ROCK2: variants seen among roughly 807,000 people sequenced by gnomAD.
The protein encoded by ROCK2 is Rho associated coiled-coil containing protein kinase 2, also known as rho-associated protein kinase 2.
ROCK2 carries 61 observed loss-of-function variants against 195.1 expected under a neutral mutation model. That is an observed-to-expected ratio of 0.31 (90% CI 0.25 to 0.39). The LOEUF is 0.39. Ranked by LOEUF, ROCK2 falls within the 10% of genes least tolerant of loss-of-function variation. The probability of loss-of-function intolerance (pLI) is 1.00; values close to 1 mark genes in which losing one functional copy is unlikely to be tolerated. For synonymous variants in ROCK2, 504 were observed against 545.5 expected, an observed-to-expected ratio of 0.92 and a Z score of 1.06; for missense variants, 1,109 against 1,637.4, an observed-to-expected ratio of 0.68 and a Z score of 5.57.
chr2:11,238,245 T>TGTGTGTGTG (rs11377542), intron 4 of ROCK2, among the ~76,000 whole-genome samples: 9 of 38,366 alleles, frequency 2.3e-4, no homozygotes, highest in African/African-American at 5.7e-4. Flanking sequence ...TGTGTGTCTG[T>TGTGTGTGTG]TGTGTGTGTC....
chr2:11,232,354 C>A (rs1665050398), intron 5 of ROCK2, among the ~76,000 whole-genome samples: 1 of 152,104 alleles, frequency 6.6e-6, no homozygotes. Context: ...GTCTCGAACT[C>A]CTGGCTTCAA....
intron 1 of ROCK2, chr2:11,308,040 C>T (rs1667917998): frequency 3.1e-6 from 5 of 1,587,800 alleles, no homozygotes; most frequent in Middle Eastern, 2.3e-4. Context: ...AGAGGTGACC[C>T]GGAGTCTGCT....
intron 20 of ROCK2, among the ~76,000 whole-genome samples, chr2:11,204,349 G>A (rs749654572): frequency 5.3e-5 from 8 of 151,486 alleles, no homozygotes; most frequent in Non-Finnish European, 8.8e-5. Context: ...TAATCTCCCC[G>A]GTTTACTAGA....
intron 1 of ROCK2, among the ~76,000 whole-genome samples, chr2:11,317,986 C>T (rs1003122354): frequency 1.1e-4 from 16 of 151,866 alleles, no homozygotes; most frequent in Non-Finnish European, 2.4e-4. Flanking sequence ...TAAAAGTATA[C>T]CACATTTTCT....
At chr2:11,296,014 GA>G (rs1362970883) in intron 1 of ROCK2, among the ~76,000 whole-genome samples, 4 of 128,868 alleles carry the variant, frequency 3.1e-5, no homozygotes, top group African/African-American at 1.2e-4. Flanking sequence ...AGGAGAGAGA[GA>G]GAGAGAGAGA....
chr2:11,200,496 G>C (rs1478136767), intron 23 of ROCK2, among the ~76,000 whole-genome samples: 2 of 151,996 alleles, frequency 1.3e-5, no homozygotes, highest in Non-Finnish European at 2.9e-5. Context: ...AAATCTTTCT[G>C]GCCTCCCTTT....
At chr2:11,277,619 T>C (rs894942689) in intron 3 of ROCK2, among the ~76,000 whole-genome samples, 3 of 152,208 alleles carry the variant, frequency 2.0e-5, no homozygotes, top group South Asian at 2.1e-4. Context: ...CTTCGAGTAA[T>C]AGTCTCCAAT....
rs1244370626 is a variant in ROCK2, at chr2:11,198,605, T to A, written c.3005-20A>T. On this transcript the variant is annotated intron_variant, in intron 24 of 32. Coordinates refer to ENST00000315872, the MANE Select transcript of ROCK2 (RefSeq NM_004850.5). ...ACAGTTCTGAAACATGGAAAAAAGT[T>A]AAAATTACATTGGTAATTACAGCAG... 2.5e-6 allele frequency: 4 copies of A among 1,603,634 alleles called. No individual in the cohort carries two copies. In the African/African-American group the frequency reaches 5.4e-5, roughly 21 times the overall value.
intron 3 of ROCK2, among the ~76,000 whole-genome samples, chr2:11,283,743 A>C (rs1438618073): frequency 2.0e-5 from 3 of 152,242 alleles, no homozygotes; most frequent in Non-Finnish European, 2.9e-5. Flanking sequence ...TTTGTCAGTT[A>C]TAACAGCGAC....
intron 4 of ROCK2, among the ~76,000 whole-genome samples, chr2:11,247,493 A>G (rs1665659654): frequency 6.6e-6 from 1 of 152,168 alleles, no homozygotes; most frequent in Non-Finnish European, 1.5e-5. Context: ...CAATTGTACT[A>G]TGTTTCACTA....
chr2:11,191,415 C>T (rs1663417941), intron 32 of ROCK2, among the ~76,000 whole-genome samples: 1 of 152,108 alleles, frequency 6.6e-6, no homozygotes, highest in African/African-American at 2.4e-5. Flanking sequence ...ACCACTTTAC[C>T]CATTAGCTAA....
intron 27 of ROCK2, among the ~76,000 whole-genome samples, chr2:11,195,584 G>A (rs1663603634): frequency 6.6e-6 from 1 of 151,990 alleles, no homozygotes; most frequent in Non-Finnish European, 1.5e-5. Context: ...GCGTAATCTT[G>A]GCTCACTGCA....
chr2:11,251,851 A>G (rs966334505), intron 3 of ROCK2, among the ~76,000 whole-genome samples: 5 of 152,202 alleles, frequency 3.3e-5, no homozygotes, highest in African/African-American at 1.2e-4. Context: ...AAAGTGGGCA[A>G]AGGATATGAA....
Position 11,344,012 on chromosome 2 carries a change from T to C in ROCK2, c.125A>G (p.Asn42Ser). Residue 42 changes from asparagine to serine, a missense_variant, in exon 1 of 33, where the codon AAC (asparagine) becomes AGC (serine). Transcript: ENST00000315872. This position sits in a 1 kb window ranked among gnomAD's most constrained non-coding sequence, Gnocchi z 5.4. ...GCCACCTACCAGCAAGCTCTCCACG[T>C]TGATGGGGGAGCGAGGGTCTCGGAT... ...ALIRDPRSPI[N>S]VESLLDGLNS... The C allele has an allele frequency of 1.9e-6, 3 of 1,589,470 alleles. No individual in the cohort carries two copies. The highest frequency in any genetic ancestry group is 2.6e-6 in the Non-Finnish European group (3 of 1,169,154).
At chr2:11,338,824 T>A (rs1456950265) in intron 1 of ROCK2, among the ~76,000 whole-genome samples, 2 of 151,518 alleles carry the variant, frequency 1.3e-5, no homozygotes, top group African/African-American at 2.4e-5. Flanking sequence ...GAAACAATGC[T>A]AAATTAAAGA....
chr2:11,271,900 G>A (rs951020584), intron 3 of ROCK2, among the ~76,000 whole-genome samples: 16 of 151,860 alleles, frequency 1.1e-4, no homozygotes, highest in African/African-American at 3.4e-4. Flanking sequence ...GGCACCTGTA[G>A]TCCCAGCTAC....
rs114167988 is a variant in ROCK2, at chr2:11,320,327, T to C, written c.141+23669A>G. On this transcript the variant is annotated intron_variant, in intron 1 of 32. Coordinates refer to ENST00000315872, the MANE Select transcript of ROCK2 (RefSeq NM_004850.5). ...ATTTGGGCCACTGCCATAATGTTTA[T>C]CTCAACTTTTTCAATATTCTTTACC... 7.1e-4 allele frequency among the ~76,000 whole-genome samples: 108 copies of C among 152,302 alleles called. 1 individual carries two copies. Among genetic ancestry groups the C allele is most frequent in the African/African-American group, 2.5e-3 (102 of 41,564 alleles).
In ROCK2 at chr2:11,267,399, C is replaced by T. The variant is rs115729325; in HGVS notation, c.325-17601G>A. Among the ~76,000 whole-genome samples, 624 of 152,134 alleles carry T rather than the reference C, an allele frequency of 4.1e-3. 3 individuals are homozygous for T. Among genetic ancestry groups the T allele is most frequent in the African/African-American group, 0.014 (563 of 41,512 alleles). On this transcript the variant is annotated intron_variant, in intron 3 of 32. Coordinates refer to ENST00000315872, the MANE Select transcript of ROCK2 (RefSeq NM_004850.5). ...CTAGGATTCAACTACTATATATTTT[C>T]CCTATCTTTAGGCTCTTCTATAACT...
intron 3 of ROCK2, among the ~76,000 whole-genome samples, chr2:11,259,695 T>C (rs1666156917): frequency 6.6e-6 from 1 of 151,430 alleles, no homozygotes; most frequent in Admixed American, 6.5e-5. Context: ...AAATCTATAC[T>C]AATAAGCAGT....
Sources: allele counts gnomAD v4.1 joint callset (sites outside exome capture counted in the v4.1 genomes callset), GRCh38; gene constraint gnomAD v4.1.1; non-coding constraint Gnocchi (gnomAD v3.1); transcripts MANE v1.5; gene names NCBI Gene and HGNC (gene_info 2026-07-23, HGNC 2026-07-21).